MYT1: variants seen among roughly 807,000 people sequenced by gnomAD.
MYT1 encodes the protein myelin transcription factor 1.
MYT1 carries 23 observed loss-of-function variants against 123.0 expected under a neutral mutation model. The ratio of observed to expected loss-of-function variants is 0.19; its 90% CI spans 0.13 to 0.26. The LOEUF is 0.26. MYT1 is among the 10% of genes least tolerant of loss of function. MYT1 has a pLI of 1.00. For missense variants in MYT1, 1,125 were observed against 1,472.5 expected, an observed-to-expected ratio of 0.76 and a Z score of 3.86; for synonymous variants, 518 against 575.3, an observed-to-expected ratio of 0.90 and a Z score of 1.43.
At chr20:64,214,690 C>T (rs932555667) in intron 10 of MYT1, among the ~76,000 whole-genome samples, 1 of 152,230 alleles carries the variant, frequency 6.6e-6, no homozygotes, top group African/African-American at 2.4e-5. Context: ...CACACAGCTC[C>T]TCCTCCCCAG....
chr20:64,177,210 G>A lies in MYT1; in HGVS notation c.-99+12471G>A, dbSNP rs181094471. Among the ~76,000 whole-genome samples, 467 of 152,254 alleles carry A rather than the reference G, an allele frequency of 3.1e-3. 3 individuals carry two copies. Among genetic ancestry groups the A allele is most frequent in the Non-Finnish European group, 4.1e-3 (282 of 68,014 alleles). ...TTTATTGAATAGAGAAAGTACCAGC[G>A]AGGCTGATTTAGAAGCAAAATAATG... is the stretch of plus-strand genomic sequence containing the variant. On this transcript the variant is annotated intron_variant, in intron 1 of 22. Coordinates refer to ENST00000328439, the MANE Select transcript of MYT1 (RefSeq NM_004535.3).
rs1387089558 is a variant in MYT1, at chr20:64,235,013, G to A, written c.2898-1542G>A. Among the ~76,000 whole-genome samples, 36 of 149,566 alleles carry A rather than the reference G, an allele frequency of 2.4e-4. 1 individual carries two copies. Among genetic ancestry groups the A allele is most frequent in the African/African-American group, 8.5e-4 (34 of 40,198 alleles). On this transcript the variant is annotated intron_variant, in intron 19 of 22. Coordinates refer to ENST00000328439, the MANE Select transcript of MYT1 (RefSeq NM_004535.3). ...TGACACTGGGCTGGCTGTGGTGGGT[G>A]ACCCTGGGATGGTCATGGTGGGTGA...
chr20:64,222,992 C>A, intron 14 of MYT1, 119 bp from the exon 15 acceptor site: 1 of 1,083,694 alleles, frequency 9.2e-7, no homozygotes. Context: ...GGAGGAGGGG[C>A]CACCGCTTGG....
chr20:64,170,893 AG>A, intron 1 of MYT1, among the ~76,000 whole-genome samples: 1 of 60,656 alleles, frequency 1.6e-5, no homozygotes, highest in South Asian at 7.7e-4. Context: ...ATAGAGAGAG[AG>A]AGAGAGAGAG....
chr20:64,195,770 A>G (rs1983100936), intron 2 of MYT1, among the ~76,000 whole-genome samples: 1 of 152,186 alleles, frequency 6.6e-6, no homozygotes. Context: ...AAACAGAACA[A>G]AGCAAAAACA....
chr20:64,236,219 T>C (rs1180910780), intron 19 of MYT1, among the ~76,000 whole-genome samples: 1 of 121,372 alleles, frequency 8.2e-6, no homozygotes, highest in Non-Finnish European at 1.7e-5. Context: ...GGGCTGGCTG[T>C]GGTGGGTGAC....
intron 1 of MYT1, among the ~76,000 whole-genome samples, chr20:64,173,517 GACTTCTCCTCCT>G (rs1982355620): frequency 7.8e-5 from 10 of 128,350 alleles, no homozygotes; most frequent in South Asian, 2.6e-4. Context: ...TCCCCTCCCT[GACTTCTCCTCCT>G]GCAGCATCCT....
At chr20:64,227,723 G>T (rs572660227) in intron 17 of MYT1, among the ~76,000 whole-genome samples, 165 bp from the exon 18 acceptor site, 3 of 152,184 alleles carry the variant, frequency 2.0e-5, no homozygotes, top group Admixed American at 6.5e-5. Context: ...TCGTGTGAAG[G>T]CTGTGTCTGT....
intron 19 of MYT1, among the ~76,000 whole-genome samples, chr20:64,234,730 T>TGGGCTGGCCGTGGTATGTGACCCG (rs1420160285): frequency 0.12 from 11,378 of 96,114 alleles, 1,451 homozygotes; most frequent in African/African-American, 0.27. Flanking sequence ...TGAGTGACCC[T>TGGGCTGGCCGTGGTATGTGACCCG]GGGCTGGCCG....
At chr20:64,220,284 T>C (rs755495397) in intron 13 of MYT1, among the ~76,000 whole-genome samples, 2 of 152,040 alleles carry the variant, frequency 1.3e-5, no homozygotes, top group Non-Finnish European at 2.9e-5. Flanking sequence ...TGTGGAGGCA[T>C]GGGGAGGAGA....
chr20:64,218,761 C>A lies in MYT1; in HGVS notation c.1847-150C>A. On this transcript the variant is annotated intron_variant, in intron 11 of 22. Coordinates refer to ENST00000328439, the MANE Select transcript of MYT1 (RefSeq NM_004535.3). This position sits in a 1 kb window ranked among gnomAD's most constrained non-coding sequence, Gnocchi z 4.0. ...CATCCCTCCCAAAGTGCCCCCTCCC[C>A]ACTGACTTGTCTGCATTGCTGCCTC... 9.5e-7 allele frequency: 1 copy of A among 1,049,140 alleles called. No homozygotes were observed. Among genetic ancestry groups the A allele is most frequent in the Non-Finnish European group, 1.4e-6 (1 of 695,196 alleles). The allele number at this position is 1,049,140 out of a possible 1,614,324, so 65.0% of individuals were successfully genotyped here. A position where few individuals can be genotyped will look rare whatever the true frequency, so the allele number is the denominator to read the frequency against.
chr20:64,193,287 G>A lies in MYT1; in HGVS notation c.-1+3127G>A, dbSNP rs1016026560. ...AAGCAGGATGTGTGCTGAGGTCACC[G>A]ACTTTCTATATCTGTTCTGTGGGCT... On this transcript the variant is annotated intron_variant, in intron 2 of 22. Coordinates refer to ENST00000328439, the MANE Select transcript of MYT1 (RefSeq NM_004535.3). The surrounding 1 kb of genome is among the most constrained non-coding windows in gnomAD (Gnocchi z 4.0). Among the ~76,000 whole-genome samples the A allele has an allele frequency of 1.3e-5, 2 of 152,104 alleles. No individual in the cohort carries two copies. The highest frequency in any genetic ancestry group is 4.8e-5 in the African/African-American group (2 of 41,416).
At position 64,199,881 on chromosome 20, in the gene MYT1, C is replaced by T; in HGVS notation, c.56-11C>T. On this transcript the variant is annotated splice_polypyrimidine_tract_variant and intron_variant, in intron 3 of 22. Transcript: ENST00000328439. ...TCCCACATGTTTTCCCTGTTTCTGT[C>T]TTTTTCCCAGGACCCCCAGAGACCA... 2 of 1,613,956 alleles carry T rather than the reference C, an allele frequency of 1.2e-6. No individual in the cohort carries two copies. Among genetic ancestry groups the T allele is most frequent in the Admixed American group, 1.7e-5 (1 of 60,020 alleles).
Position 64,205,028 on chromosome 20 carries a change from C to G in MYT1, c.87-7C>G. ...TGATGTGGCCTTGCCTTTTTATTTC[C>G]CCTCAGCTGCCCCACCCCAGGATGC... On this transcript the variant is annotated splice_polypyrimidine_tract_variant and splice_region_variant and intron_variant, in intron 4 of 22. Coordinates refer to ENST00000328439, the MANE Select transcript of MYT1 (RefSeq NM_004535.3). 6.2e-7 allele frequency: 1 copy of G among 1,613,988 alleles called. No individual in the cohort carries two copies. Among genetic ancestry groups the G allele is most frequent in the Non-Finnish European group, 8.5e-7 (1 of 1,179,996 alleles).
In MYT1 at chr20:64,167,430, C is replaced by T. The variant is rs138714045; in HGVS notation, c.-99+2691C>T. On this transcript the variant is annotated intron_variant, in intron 1 of 22. Coordinates refer to ENST00000328439, the MANE Select transcript of MYT1 (RefSeq NM_004535.3). The surrounding 1 kb of genome is among the most constrained non-coding windows in gnomAD (Gnocchi z 6.3). ...ACAACCAGAACACTTTGGTCAGCAC[C>T]GGGCCTGGAGTAGATGAGGAGGTAG... 7.7e-4 allele frequency among the ~76,000 whole-genome samples: 117 copies of T among 152,220 alleles called. No individual in the cohort carries two copies. Among genetic ancestry groups the T allele is most frequent in the African/African-American group, 2.6e-3 (107 of 41,520 alleles).
At chr20:64,182,326 G>A (rs6011326) in intron 1 of MYT1, among the ~76,000 whole-genome samples, 2 of 152,216 alleles carry the variant, frequency 1.3e-5, no homozygotes, top group African/African-American at 4.8e-5. Context: ...GGGCGTGGCA[G>A]GCCCAGCCAA....
intron 1 of MYT1, among the ~76,000 whole-genome samples, chr20:64,171,551 G>A (rs1478634534): frequency 1.3e-5 from 2 of 152,190 alleles, no homozygotes; most frequent in Non-Finnish European, 2.9e-5. Flanking sequence ...TCATCCCCAG[G>A]GTCTGAGCCT....
intron 18 of MYT1, among the ~76,000 whole-genome samples, chr20:64,228,735 G>C: frequency 6.6e-6 from 1 of 152,322 alleles, no homozygotes; most frequent in Admixed American, 6.5e-5. Context: ...TACAGACTCA[G>C]ACCAGGTGAC....
At chr20:64,214,264 C>T (rs962973332) in intron 10 of MYT1, among the ~76,000 whole-genome samples, 3 of 151,540 alleles carry the variant, frequency 2.0e-5, no homozygotes, top group East Asian at 3.9e-4. Flanking sequence ...TGCATATGTG[C>T]GGGTATGTTT....
Sources: allele counts gnomAD v4.1 joint callset (sites outside exome capture counted in the v4.1 genomes callset), GRCh38; gene constraint gnomAD v4.1.1; non-coding constraint Gnocchi (gnomAD v3.1); transcripts MANE v1.5; gene names NCBI Gene and HGNC (gene_info 2026-07-23, HGNC 2026-07-21).